The following DPP6 variants were observed in gnomAD, a reference collection of about 807,000 sequenced individuals.
DPP6 encodes A-type potassium channel modulatory protein DPP6.
Under a neutral mutation model 122.6 loss-of-function variants are expected in DPP6, and 69 were observed. That is an observed-to-expected ratio of 0.56 (90% confidence interval 0.46 to 0.69). DPP6 has a LOEUF of 0.69. Among genes scored for constraint, DPP6 ranks in the 30% least tolerant of loss-of-function variants. DPP6 has a pLI of 0.00. For synonymous variants in DPP6, 418 were observed against 433.1 expected, an observed-to-expected ratio of 0.97 and a Z score of 0.43; for missense variants, 928 against 1,116.9, an observed-to-expected ratio of 0.83 and a Z score of 2.41.
intron 1 of DPP6, chr7:153,887,821 G>A (rs374588871): frequency 1.5e-5 from 22 of 1,445,470 alleles, no homozygotes; most frequent in African/African-American, 7.0e-5. Flanking sequence ...TCTCAGTCCC[G>A]AACCTCCCTG....
In DPP6 at chr7:154,853,696, A is replaced by G. The variant is rs6962284; in HGVS notation, c.1667-84A>G. On this transcript the variant is annotated intron_variant, in intron 16 of 25. Coordinates refer to ENST00000377770, the MANE Select transcript of DPP6 (RefSeq NM_130797.4). The stretch of plus-strand genomic sequence containing the variant: ...GGCTCCGCACGTCTATCTACGTGGC[A>G]TAAGAAAAGCCTGTTTTCTTGTTCT... The G allele has an allele frequency of 0.65, 1,012,832 of 1,560,990 alleles. 332,326 individuals carry two copies. The highest frequency in any genetic ancestry group is 0.97 in the East Asian group (43,149 of 44,258).
At chr7:154,637,361 C>G (rs1005806179) in intron 5 of DPP6, among the ~76,000 whole-genome samples, 4 of 152,172 alleles carry the variant, frequency 2.6e-5, no homozygotes, top group African/African-American at 9.7e-5. Flanking sequence ...ATTAAGCCTG[C>G]CTTGACTTCA....
intron 6 of DPP6, among the ~76,000 whole-genome samples, chr7:154,662,026 T>C (rs1201532951): frequency 1.3e-5 from 2 of 150,144 alleles, no homozygotes; most frequent in Non-Finnish European, 1.5e-5. Flanking sequence ...CATGGCATAT[T>C]GGCCATAGTG....
intron 5 of DPP6, among the ~76,000 whole-genome samples, chr7:154,575,905 A>G (rs1013851670): frequency 2.0e-5 from 3 of 151,960 alleles, no homozygotes; most frequent in Non-Finnish European, 4.4e-5. Context: ...TTGAGGTTTC[A>G]GGATCGATTC....
At chr7:154,398,620 C>T (rs193079095) in intron 1 of DPP6, among the ~76,000 whole-genome samples, 3,406 of 152,188 alleles carry the variant, frequency 0.022, 53 homozygotes, top group Non-Finnish European at 0.034. Flanking sequence ...TATTTTCTCT[C>T]TCTCTCTCTC....
chr7:154,656,472 T>A (rs540611157), intron 6 of DPP6, among the ~76,000 whole-genome samples: 18 of 151,808 alleles, frequency 1.2e-4, no homozygotes, highest in African/African-American at 4.1e-4. Flanking sequence ...CCGCAGCATG[T>A]GCAGGGAGAG....
intron 1 of DPP6, among the ~76,000 whole-genome samples, chr7:153,890,683 CTTTTTTTTTTTTTTTT>C (rs34345128): frequency 2.4e-5 from 2 of 81,992 alleles, no homozygotes; most frequent in African/African-American, 5.7e-5. Flanking sequence ...CAGTTTAGAA[CTTTTTTTTTTTTTTTT>C]TTTTTTTTTT....
the DPP6 span, among the ~76,000 whole-genome samples, chr7:153,825,512 C>T: frequency 2.0e-5 from 3 of 151,964 alleles, no homozygotes; most frequent in African/African-American, 7.3e-5. Context: ...CAGACAGTGC[C>T]CCTTAGGGAC....
chr7:154,608,620 G>A (rs1299535618), intron 5 of DPP6, among the ~76,000 whole-genome samples: 1 of 151,762 alleles, frequency 6.6e-6, no homozygotes, highest in South Asian at 2.1e-4. Context: ...TACAGGCTGA[G>A]CCACTGCGCC....
chr7:153,858,933 A>G, the DPP6 span, among the ~76,000 whole-genome samples: 1 of 152,142 alleles, frequency 6.6e-6, no homozygotes, highest in Non-Finnish European at 1.5e-5. Context: ...AGTGATATTT[A>G]TACCCCCATG....
chr7:154,622,666 A>G (rs1834769483), intron 5 of DPP6, among the ~76,000 whole-genome samples: 1 of 152,206 alleles, frequency 6.6e-6, no homozygotes, highest in Non-Finnish European at 1.5e-5. Context: ...ATACCATAGC[A>G]GCATGAATGA....
intron 5 of DPP6, among the ~76,000 whole-genome samples, chr7:154,613,683 A>T (rs926474791): frequency 2.0e-5 from 3 of 147,264 alleles, no homozygotes; most frequent in African/African-American, 7.5e-5. Flanking sequence ...CAAATCAGAC[A>T]CTTGTTTGAG....
In DPP6 at chr7:154,636,584, A is replaced by G. The variant is rs1256041028; in HGVS notation, c.628-1237A>G. Among the ~76,000 whole-genome samples the G allele has an allele frequency of 2.0e-5, 3 of 152,344 alleles. No individual in the cohort carries two copies. The South Asian group carries it at 6.2e-4, about 32-fold the overall frequency. On this transcript the variant is annotated intron_variant, in intron 5 of 25. Coordinates refer to ENST00000377770, the MANE Select transcript of DPP6 (RefSeq NM_130797.4). ...CTCAAAGCAAGGGGCCCCGGGCCGC[A>G]TATTTCTGGTTCAGGAGTCTCAAGA... is the stretch of plus-strand genomic sequence containing the variant.
chr7:154,102,521 A>T (rs1805823137), intron 1 of DPP6, among the ~76,000 whole-genome samples: 1 of 152,130 alleles, frequency 6.6e-6, no homozygotes, highest in African/African-American at 2.4e-5. Flanking sequence ...GGGACCCCTC[A>T]TTCAGCCACA....
chr7:154,532,281 A>G (rs367974745), intron 3 of DPP6, among the ~76,000 whole-genome samples: 1 of 152,158 alleles, frequency 6.6e-6, no homozygotes, highest in East Asian at 1.9e-4. Flanking sequence ...AATTGGAAAT[A>G]ATTTGAACTG....
intron 1 of DPP6, among the ~76,000 whole-genome samples, chr7:154,232,808 G>C (rs1157802094): frequency 1.3e-5 from 2 of 152,198 alleles, no homozygotes; most frequent in African/African-American, 2.4e-5. Flanking sequence ...CATAGGGAAG[G>C]CAGGGAGAAG....
At chr7:154,782,960 A>G (rs1797117895) in intron 10 of DPP6, among the ~76,000 whole-genome samples, 1 of 151,698 alleles carries the variant, frequency 6.6e-6, no homozygotes, top group Non-Finnish European at 1.5e-5. Flanking sequence ...ATTTTTGTAT[A>G]TTTAGTAGAG....
chr7:154,692,739 C>G (rs1284410640), intron 7 of DPP6, among the ~76,000 whole-genome samples: 1 of 151,702 alleles, frequency 6.6e-6, no homozygotes, highest in East Asian at 1.9e-4. Flanking sequence ...TCATCCTTTT[C>G]TCTTTTTCAT....
At chr7:154,493,014 G>A (rs995170196) in intron 3 of DPP6, among the ~76,000 whole-genome samples, 1 of 152,132 alleles carries the variant, frequency 6.6e-6, no homozygotes, top group Non-Finnish European at 1.5e-5. Flanking sequence ...CCCCGTGTGC[G>A]GGTTAAACTC....
Sources: allele counts gnomAD v4.1 joint callset (sites outside exome capture counted in the v4.1 genomes callset), GRCh38; gene constraint gnomAD v4.1.1; transcripts MANE v1.5; gene names NCBI Gene and HGNC (gene_info 2026-07-23, HGNC 2026-07-21).